The following NFIA variants were observed in gnomAD, a reference collection of about 807,000 sequenced individuals.
The protein encoded by NFIA is nuclear factor I A, also known as nuclear factor 1 A-type.
In NFIA, 8 loss-of-function variants were observed where a neutral mutation model predicts 62.8. That is an observed-to-expected ratio of 0.13 (90% confidence interval 0.07 to 0.23). The LOEUF is 0.23. NFIA is among the 10% of genes least tolerant of loss of function. NFIA has a pLI of 1.00. For synonymous variants in NFIA, 235 were observed against 238.1 expected (o/e 0.99, Z 0.12); for missense variants, 410 against 642.1 (o/e 0.64, Z 3.91).
intron 2 of NFIA, among the ~76,000 whole-genome samples, chr1:61,227,990 C>T (rs892042113): frequency 5.9e-5 from 9 of 152,110 alleles, no homozygotes; most frequent in East Asian, 1.9e-4. Context: ...AAGTTGATGC[C>T]ATTTCCCTCT....
chr1:61,252,828 C>T (rs1570456579), intron 2 of NFIA, among the ~76,000 whole-genome samples: 1 of 152,044 alleles, frequency 6.6e-6, no homozygotes, highest in Admixed American at 6.5e-5. Context: ...TCCATTTTTT[C>T]AAATTAACCA....
chr1:61,109,095 A>G (rs186171072), intron 2 of NFIA, among the ~76,000 whole-genome samples: 40 of 151,958 alleles, frequency 2.6e-4, no homozygotes, highest in African/African-American at 9.6e-4. Flanking sequence ...TTTACAATTT[A>G]AAATGTCTGG....
intron 2 of NFIA, among the ~76,000 whole-genome samples, chr1:61,236,530 TG>T (rs915279627): frequency 2.4e-4 from 36 of 152,136 alleles, no homozygotes; most frequent in African/African-American, 8.7e-4. Context: ...AAAGAGAAAA[TG>T]CCGAAGTTGT....
intron 2 of NFIA, among the ~76,000 whole-genome samples, chr1:61,090,159 A>G (rs1048116324): frequency 6.6e-6 from 1 of 152,162 alleles, no homozygotes; most frequent in African/African-American, 2.4e-5. Flanking sequence ...TGTTTTGTTT[A>G]CTGAAAAAGT....
At chr1:61,176,995 A>G (rs1250771771) in intron 2 of NFIA, among the ~76,000 whole-genome samples, 1 of 151,926 alleles carries the variant, frequency 6.6e-6, no homozygotes, top group Non-Finnish European at 1.5e-5. Context: ...AGTCCCAGCT[A>G]CTCGGCAGGC....
chr1:61,271,835 T>C (rs1233647180), intron 2 of NFIA, among the ~76,000 whole-genome samples: 1 of 152,246 alleles, frequency 6.6e-6, no homozygotes, highest in African/African-American at 2.4e-5. Flanking sequence ...GGGAAAGTTA[T>C]AAAGATGAAA....
intron 10 of NFIA, among the ~76,000 whole-genome samples, chr1:61,428,128 T>C (rs1666948375): frequency 6.6e-6 from 1 of 152,194 alleles, no homozygotes; most frequent in Admixed American, 6.5e-5. Context: ...GTCCTGTTTG[T>C]ATTTTACATA....
At chr1:61,397,754 T>A (rs1665351527) in intron 7 of NFIA, among the ~76,000 whole-genome samples, 1 of 152,216 alleles carries the variant, frequency 6.6e-6, no homozygotes, top group Non-Finnish European at 1.5e-5. Context: ...TTTAAACTCA[T>A]GTCTATCTGA....
intron 2 of NFIA, among the ~76,000 whole-genome samples, chr1:61,175,005 A>G (rs1025704590): frequency 6.6e-6 from 1 of 152,216 alleles, no homozygotes; most frequent in African/African-American, 2.4e-5. Flanking sequence ...CTCCTCCCCA[A>G]TGCCAGTGTA....
At position 61,131,623 on chromosome 1, in the gene NFIA, A is replaced by G. The variant is rs115766442; in HGVS notation, c.559+42943A>G. On this transcript the variant is annotated intron_variant, in intron 2 of 10. Coordinates refer to ENST00000403491, the MANE Select transcript of NFIA (RefSeq NM_001134673.4). Reference sequence around the variant, plus strand: ...CTAGCTTTTAATATTTTATCACTAAATGCTTAAGTGTTTATGTTGCAAAAA... The same window carrying G: ...CTAGCTTTTAATATTTTATCACTAAGTGCTTAAGTGTTTATGTTGCAAAAA... Among the ~76,000 whole-genome samples the G allele has an allele frequency of 6.3e-3, 961 of 152,168 alleles. 15 individuals carry two copies. The highest frequency in any genetic ancestry group is 0.021 in the African/African-American group (880 of 41,504).
In NFIA at chr1:61,166,405, G is replaced by A. The variant is rs114616948; in HGVS notation, c.559+77725G>A. ...GGAGTTGAGCTTTGAACCCAGCTCC[G>A]TCTGTGTTCCATACTCATTTCTTTT... On this transcript the variant is annotated intron_variant, in intron 2 of 10. Transcript: ENST00000403491. Among the ~76,000 whole-genome samples, 218 of 152,204 alleles carry A rather than the reference G, an allele frequency of 1.4e-3. 1 individual carries two copies. The highest frequency in any genetic ancestry group is 2.5e-3 in the Non-Finnish European group (168 of 68,022).
At chr1:61,306,058 G>C (rs923239544) in intron 3 of NFIA, among the ~76,000 whole-genome samples, 2 of 151,492 alleles carry the variant, frequency 1.3e-5, no homozygotes, top group Non-Finnish European at 2.9e-5. Context: ...CACCGTGTTA[G>C]CCAGGATGGT....
chr1:61,376,703 T>C (rs1340909603), intron 6 of NFIA, among the ~76,000 whole-genome samples: 1 of 152,132 alleles, frequency 6.6e-6, no homozygotes, highest in African/African-American at 2.4e-5. Context: ...ATATACTTTA[T>C]TGACTTAAAT....
intron 2 of NFIA, among the ~76,000 whole-genome samples, chr1:61,110,686 A>G (rs1211918421): frequency 1.3e-5 from 2 of 152,072 alleles, no homozygotes; most frequent in Non-Finnish European, 2.9e-5. Context: ...CTACTTTTAG[A>G]GGATTTATAT....
chr1:61,258,926 G>T (rs903806681), intron 2 of NFIA, among the ~76,000 whole-genome samples: 1 of 151,800 alleles, frequency 6.6e-6, no homozygotes, highest in South Asian at 2.1e-4. Flanking sequence ...TTGCCACATT[G>T]CCCAGGCTGG....
chr1:61,369,491 A>G (rs1569645129), intron 6 of NFIA, among the ~76,000 whole-genome samples: 2 of 152,284 alleles, frequency 1.3e-5, no homozygotes, highest in African/African-American at 2.4e-5. Context: ...ATGTTTTCCT[A>G]TATCTAATAT....
rs950953204 is a variant in NFIA at position 61,461,418 on chromosome 1, G to T, written c.*6098G>T. The T allele has an allele frequency of 6.6e-6, 1 of 152,136 alleles. No individual in the cohort carries two copies. Among genetic ancestry groups the T allele is most frequent in the African/African-American group, 2.4e-5 (1 of 41,424 alleles). The allele number at this position is 152,136 out of a possible 1,614,324, so 9.4% of individuals were successfully genotyped here. ...AAAAAGAAGTTTGCTATTAACACGG[G>T]ATTTTTTTAATATACTTTTTTTGGT... On this transcript the variant is annotated 3_prime_UTR_variant, in exon 11 of 11. Transcript: ENST00000403491.
At chr1:61,442,664 A>T (rs1197595767) in intron 10 of NFIA, among the ~76,000 whole-genome samples, 1 of 152,238 alleles carries the variant, frequency 6.6e-6, no homozygotes, top group African/African-American at 2.4e-5. Flanking sequence ...AATGAACCAA[A>T]GTTTGATAGA....
At chr1:61,217,042 A>T (rs929567131) in intron 2 of NFIA, among the ~76,000 whole-genome samples, 2 of 148,934 alleles carry the variant, frequency 1.3e-5, no homozygotes, top group African/African-American at 4.9e-5. Flanking sequence ...ACATTGATTA[A>T]ACTTTTTTTT....
Sources: gnomAD v4.1 joint callset for allele counts (sites outside exome capture counted in the v4.1 genomes callset) on GRCh38, gnomAD v4.1.1 for gene constraint, MANE v1.5 for transcripts, NCBI Gene and HGNC (gene_info 2026-07-23, HGNC 2026-07-21) for gene names.